The following CALB1 variants were observed in gnomAD, a reference collection of about 807,000 sequenced individuals.
The protein encoded by CALB1 is calbindin.
CALB1 carries 16 observed loss-of-function variants against 46.7 expected under a neutral mutation model. That is an observed-to-expected ratio of 0.34 (90% CI 0.23 to 0.52). The LOEUF is 0.52. Ranked by LOEUF, CALB1 falls within the 20% of genes least tolerant of loss-of-function variation. The pLI is 0.95. For missense variants in CALB1, 224 were observed against 300.3 expected (o/e 0.75, Z 1.88); for synonymous variants, 90 against 112.8 (o/e 0.80, Z 1.28).
At chr8:90,074,913 A>G (rs564934375) in intron 3 of CALB1, among the ~76,000 whole-genome samples, 81 of 152,208 alleles carry the variant, frequency 5.3e-4, no homozygotes, top group Non-Finnish European at 7.2e-4. Context: ...AGAAAGCTCT[A>G]TTATCTGCTA....
intron 3 of CALB1, among the ~76,000 whole-genome samples, chr8:90,073,390 C>T (rs942113932): frequency 2.0e-5 from 3 of 152,044 alleles, no homozygotes; most frequent in Non-Finnish European, 4.4e-5. Context: ...GACTGATCAA[C>T]ATGGGGATAT....
intron 6 of CALB1, among the ~76,000 whole-genome samples, chr8:90,065,093 C>G (rs563062317): frequency 6.6e-6 from 1 of 151,886 alleles, no homozygotes; most frequent in South Asian, 2.1e-4. Context: ...AGTACCTTCA[C>G]AGTACTGAAA....
At chr8:90,066,011 A>C (rs780104962) in intron 5 of CALB1, 36 bp from the exon 6 acceptor site, 1 of 1,295,946 alleles carries the variant, frequency 7.7e-7, no homozygotes, top group Non-Finnish European at 1.1e-6. Context: ...TAATTTCATT[A>C]ATAATATATC....
intron 2 of CALB1, among the ~76,000 whole-genome samples, chr8:90,079,615 C>T (rs1378970608): frequency 5.3e-5 from 8 of 151,862 alleles, no homozygotes; most frequent in Admixed American, 1.3e-4. Context: ...ACTACTTTCA[C>T]GAGCAGACTT....
At position 90,065,921 on chromosome 8, in the gene CALB1, A is replaced by G. The variant is rs750079338; in HGVS notation, c.427T>C (p.Leu143=). Residue 143 remains leucine, a synonymous_variant, in exon 6 of 11, where the codon TTA becomes CTA. Transcript: ENST00000265431. The part of the protein sequence containing the change: ...KANKTVDDTK[L]AEYTDLMLKL... Reference sequence around the variant, plus strand: ...ACCATTAGGTCTGTATACTCGGCTAATTTTGTGTCATCAACAGTCTTGTTT... The same window carrying G: ...ACCATTAGGTCTGTATACTCGGCTAGTTTTGTGTCATCAACAGTCTTGTTT... 2 of 1,611,188 alleles carry G rather than the reference A, an allele frequency of 1.2e-6. No homozygotes were observed. Among genetic ancestry groups the G allele is most frequent in the Non-Finnish European group, 1.7e-6 (2 of 1,177,726 alleles).
chr8:90,071,760 T>A (rs1472390720), intron 3 of CALB1, among the ~76,000 whole-genome samples: 1 of 152,152 alleles, frequency 6.6e-6, no homozygotes. Context: ...TAGCCACATT[T>A]TATTATGTTT....
chr8:90,082,126 G>T, intron 1 of CALB1, 24 bp from the exon 2 acceptor site: 1 of 1,592,972 alleles, frequency 6.3e-7, no homozygotes, highest in South Asian at 1.1e-5. Context: ...GAGGCACCCA[G>T]GTGTCAGATA....
chr8:90,075,437 G>C (rs576932870), intron 3 of CALB1, among the ~76,000 whole-genome samples: 3 of 152,128 alleles, frequency 2.0e-5, no homozygotes, highest in African/African-American at 7.2e-5. Context: ...AAGTTAATGT[G>C]TGCTTGATGT....
chr8:90,063,694 G>C, intron 6 of CALB1: 1 of 462,624 alleles, frequency 2.2e-6, no homozygotes, highest in Non-Finnish European at 3.8e-6. Flanking sequence ...AGTGGTTTTA[G>C]CTATGTTTCT....
At chr8:90,077,913 A>T (rs1814648666) in intron 3 of CALB1, among the ~76,000 whole-genome samples, 1 of 152,110 alleles carries the variant, frequency 6.6e-6, no homozygotes, top group Non-Finnish European at 1.5e-5. Context: ...AGGACTGTAA[A>T]TATTTCACAG....
intron 10 of CALB1, 48 bp downstream of exon 10, chr8:90,060,581 A>G: frequency 6.9e-7 from 1 of 1,441,416 alleles, no homozygotes; most frequent in Non-Finnish European, 9.8e-7. Flanking sequence ...TTTTGGATGG[A>G]TCCACAGAGT....
intron 2 of CALB1, among the ~76,000 whole-genome samples, chr8:90,079,957 G>C (rs926490183): frequency 2.6e-5 from 4 of 151,930 alleles, no homozygotes; most frequent in African/African-American, 9.7e-5. Flanking sequence ...TCTAAAGAAA[G>C]AGAAGAAATA....
intron 6 of CALB1, among the ~76,000 whole-genome samples, chr8:90,065,176 A>G (rs1258882993): frequency 1.3e-5 from 2 of 151,744 alleles, no homozygotes; most frequent in Non-Finnish European, 3.0e-5. Flanking sequence ...TTCGTCCAAT[A>G]GAAACTAACT....
chr8:90,082,625 C>T lies in CALB1; in HGVS notation c.73G>A (p.Ala25Thr), dbSNP rs750409917. 5 of 1,612,918 alleles carry T rather than the reference C, an allele frequency of 3.1e-6. No individual in the cohort carries two copies. The highest frequency in any genetic ancestry group is 4.2e-6 in the Non-Finnish European group (5 of 1,179,090). The part of the protein sequence containing the change: ...QFFEIWLHFD[A>T]DGSGYLEGKE... ...AAAAAGAGAAGATAATCACCGTCAG[C>T]GTCGAAATGGAGCCAGATCTCGAAA... Residue 25 changes from alanine to threonine, a missense_variant, in exon 1 of 11, where the codon GCT (alanine) becomes ACT (threonine). By Grantham distance (58) the Ala-to-Thr change is moderately conservative. Transcript: ENST00000265431.
intron 3 of CALB1, among the ~76,000 whole-genome samples, chr8:90,077,569 T>C (rs539290887): frequency 6.6e-5 from 10 of 152,130 alleles, no homozygotes; most frequent in African/African-American, 2.4e-4. Context: ...ATTTCTCTAA[T>C]AGGCTGCTGA....
At chr8:90,072,828 T>G (rs1016494856) in intron 3 of CALB1, among the ~76,000 whole-genome samples, 9 of 152,222 alleles carry the variant, frequency 5.9e-5, no homozygotes, top group Middle Eastern at 3.2e-3. Context: ...TTCTGTAATC[T>G]TTGGGCTGCC....
intron 6 of CALB1, 53 bp from the exon 7 acceptor site, chr8:90,063,514 G>A: frequency 7.0e-7 from 1 of 1,435,412 alleles, no homozygotes. Context: ...TTTATTGCAT[G>A]AAGGAGATGA....
intron 2 of CALB1, chr8:90,081,496 A>T: frequency 2.0e-6 from 2 of 982,050 alleles, no homozygotes; most frequent in Non-Finnish European, 2.4e-6. Context: ...AGAGTAAGAG[A>T]TCCATAATCT....
chr8:90,082,164 C>G (rs968214527), intron 1 of CALB1, 62 bp from the exon 2 acceptor site: 2 of 1,404,888 alleles, frequency 1.4e-6, no homozygotes, highest in African/African-American at 2.9e-5. Context: ...TTCCCGTTCA[C>G]TTTCCAAGAC....
Sources: allele counts gnomAD v4.1 joint callset (sites outside exome capture counted in the v4.1 genomes callset), GRCh38; gene constraint gnomAD v4.1.1; transcripts MANE v1.5; gene names NCBI Gene and HGNC (gene_info 2026-07-23, HGNC 2026-07-21).